Variants in EHMT1 observed in about 807,000 individuals in gnomAD.
The protein encoded by EHMT1 is histone-lysine N-methyltransferase EHMT1.
Under a neutral mutation model 147.2 loss-of-function variants are expected in EHMT1, and 15 were observed. The observed-to-expected ratio is 0.10, with a 90% CI of 0.07 to 0.16. EHMT1 has a LOEUF of 0.16. EHMT1 is among the 10% of genes least tolerant of loss of function. The pLI, the probability that EHMT1 is intolerant of heterozygous loss-of-function variation, is 1.00. For synonymous variants in EHMT1, 795 were observed against 709.6 expected, an observed-to-expected ratio of 1.12 and a Z score of -1.91; for missense variants, 1,587 against 1,772.4, an observed-to-expected ratio of 0.90 and a Z score of 1.88.
rs377036891 is a variant in EHMT1 at position 137,705,466 on chromosome 9, G to A, written c.22-5501G>A. On this transcript the variant is annotated intron_variant, in intron 1 of 26. Transcript: ENST00000460843. ...TGAAGCCAGTGTTTGAGTGAGAATT[G>A]GAATGTGTGCATGCTTCGTGTTCAT... Among the ~76,000 whole-genome samples the A allele has an allele frequency of 4.6e-5, 7 of 152,316 alleles. No homozygotes were observed. In the South Asian group the frequency reaches 1.4e-3, roughly 32 times the overall value.
intron 25 of EHMT1, among the ~76,000 whole-genome samples, chr9:137,830,791 T>C (rs1956138377): frequency 1.3e-5 from 2 of 152,214 alleles, no homozygotes; most frequent in Non-Finnish European, 2.9e-5. Flanking sequence ...ATTTTTTGTT[T>C]TTTGATTGTG....
chr9:137,756,598 G>A (rs560371461), intron 8 of EHMT1, among the ~76,000 whole-genome samples: 2 of 152,178 alleles, frequency 1.3e-5, no homozygotes, highest in African/African-American at 2.4e-5. Context: ...CTTCAGTTAC[G>A]TTTCTCTTCA....
chr9:137,742,375 C>A (rs1948177419), intron 4 of EHMT1, among the ~76,000 whole-genome samples: 1 of 150,942 alleles, frequency 6.6e-6, no homozygotes, highest in Non-Finnish European at 1.5e-5. Context: ...TGGGCTTGAA[C>A]TCCTGGAATG....
At chr9:137,763,223 T>G in intron 10 of EHMT1, 2 of 383,716 alleles carry the variant, frequency 5.2e-6, no homozygotes, top group Non-Finnish European at 9.7e-6. Context: ...GGGCCGGGCC[T>G]CGGCCACCTC....
In EHMT1 at chr9:137,818,134, A is replaced by G; in HGVS notation, c.3536A>G (p.Asn1179Ser). Residue 1179 changes from asparagine to serine, a missense_variant, in exon 25 of 27, where the codon AAT (asparagine) becomes AGT (serine). By Grantham distance (46) the Asn-to-Ser change is conservative. Around this residue, in one of 7 missense-constraint regions of EHMT1, gnomAD observed 156 missense variants for 252.5 expected, o/e 0.62. Transcript: ENST00000460843. The part of the protein sequence containing the change: ...EEDSYLFDLD[N>S]KDGEVYCIDA... ...GATTCTTACCTCTTTGATCTCGACAATAAGGTAATGTGTTTTGTGGGGTTG... is the reference window on the plus strand; with the variant it reads ...GATTCTTACCTCTTTGATCTCGACAGTAAGGTAATGTGTTTTGTGGGGTTG... 4 of 1,614,144 alleles carry G rather than the reference A, an allele frequency of 2.5e-6. No homozygotes were observed. Among genetic ancestry groups the G allele is most frequent in the Non-Finnish European group, 3.4e-6 (4 of 1,180,004 alleles).
intron 4 of EHMT1, chr9:137,738,483 A>G (rs892241950): frequency 6.6e-6 from 1 of 152,190 alleles, no homozygotes; most frequent in East Asian, 1.9e-4. Context: ...ATCTGCTGTG[A>G]AAAACTCAAA....
intron 1 of EHMT1, among the ~76,000 whole-genome samples, chr9:137,680,216 A>G (rs1299201258): frequency 2.0e-5 from 3 of 152,146 alleles, no homozygotes; most frequent in South Asian, 2.1e-4. Flanking sequence ...GCTCACACCC[A>G]TAATCCCAGC....
chr9:137,807,490 TTTATTTA>T (rs953416179), intron 18 of EHMT1, among the ~76,000 whole-genome samples: 9 of 151,112 alleles, frequency 6.0e-5, no homozygotes, highest in African/African-American at 2.2e-4. Context: ...TATTTATTTA[TTTATTTA>T]TTTATTTATT....
intron 1 of EHMT1, among the ~76,000 whole-genome samples, chr9:137,624,822 TC>T (rs1281490223): frequency 6.6e-6 from 1 of 152,018 alleles, no homozygotes; most frequent in African/African-American, 2.4e-5. Context: ...GGTCTTGAAC[TC>T]GGCCTCCTGA....
chr9:137,699,689 A>AG (rs1425956268), intron 1 of EHMT1, among the ~76,000 whole-genome samples: 1 of 144,048 alleles, frequency 6.9e-6, no homozygotes, highest in East Asian at 2.0e-4. Context: ...AAAAAAAAAA[A>AG]GAGAAAAAGA....
intron 3 of EHMT1, among the ~76,000 whole-genome samples, chr9:137,724,843 C>T (rs149944231): frequency 5.5e-4 from 83 of 151,538 alleles, no homozygotes; most frequent in Non-Finnish European, 1.0e-3. Flanking sequence ...TTGTGGCATT[C>T]GTGTGGCAGA....
chr9:137,816,407 T>G (rs1954922955), intron 23 of EHMT1: 1 of 370,454 alleles, frequency 2.7e-6, no homozygotes, highest in African/African-American at 2.1e-5. Flanking sequence ...TAGTTCTATT[T>G]TAATACTCCA....
At chr9:137,641,124 A>G in intron 1 of EHMT1, 2 of 335,924 alleles carry the variant, frequency 6.0e-6, no homozygotes, top group African/African-American at 2.2e-5. Flanking sequence ...GAATTTGGCC[A>G]AGTATGGTCT....
At chr9:137,725,101 CTGGGGCAGGCGTGTGGCATTCA>C (rs1946490475) in intron 3 of EHMT1, among the ~76,000 whole-genome samples, 1 of 123,656 alleles carries the variant, frequency 8.1e-6, no homozygotes, top group African/African-American at 3.1e-5. Flanking sequence ...TGTGGCATTC[CTGGGGCAGGCGTGTGGCATTCA>C]TGGGGCATTC....
intron 1 of EHMT1, among the ~76,000 whole-genome samples, chr9:137,707,507 C>G (rs1189407086): frequency 3.9e-5 from 6 of 152,210 alleles, no homozygotes; most frequent in Admixed American, 2.0e-4. Flanking sequence ...GGGGATGCTA[C>G]AGACCAGGCA....
rs140797708 is a variant in EHMT1, at chr9:137,643,643, C to T, written c.21+24594C>T. On this transcript the variant is annotated intron_variant, in intron 1 of 26. Coordinates refer to ENST00000460843, the MANE Select transcript of EHMT1 (RefSeq NM_024757.5). ...GATTACAGGCGTGAGCCACCGCGCC[C>T]GGCCGTATAAAGGTTTTTTAGTACT... 3.8e-4 allele frequency among the ~76,000 whole-genome samples: 58 copies of T among 152,100 alleles called. No homozygotes were observed. In the East Asian group the frequency reaches 9.5e-3, roughly 25 times the overall value.
chr9:137,825,398 G>A (rs1417298227), intron 25 of EHMT1, among the ~76,000 whole-genome samples: 1 of 152,214 alleles, frequency 6.6e-6, no homozygotes, highest in Non-Finnish European at 1.5e-5. Flanking sequence ...TATCATGTAA[G>A]TGGAATCACA....
intron 7 of EHMT1, among the ~76,000 whole-genome samples, chr9:137,753,560 T>TG (rs1433202885): frequency 2.6e-5 from 4 of 152,204 alleles, no homozygotes; most frequent in African/African-American, 9.6e-5. Context: ...GAGGCCCACG[T>TG]GCTGCTGCTG....
At chr9:137,685,823 A>G (rs1043476520) in intron 1 of EHMT1, among the ~76,000 whole-genome samples, 1 of 152,264 alleles carries the variant, frequency 6.6e-6, no homozygotes, top group East Asian at 1.9e-4. Flanking sequence ...TGCATAATGA[A>G]TGATGTTGGC....
Sources: gnomAD v4.1 joint callset for allele counts (sites outside exome capture counted in the v4.1 genomes callset) on GRCh38, gnomAD v4.1.1 for gene constraint, gnomAD v4.1.1 regional missense constraint, MANE v1.5 for transcripts, NCBI Gene and HGNC (gene_info 2026-07-23, HGNC 2026-07-21) for gene names.